Variants in PTPRA observed in about 807,000 individuals in gnomAD.
PTPRA encodes the protein receptor-type tyrosine-protein phosphatase alpha.
PTPRA carries 25 observed loss-of-function variants against 104.8 expected under a neutral mutation model. The ratio of observed to expected loss-of-function variants is 0.24; its 90% CI spans 0.17 to 0.33. The LOEUF is 0.33. Ranked by LOEUF, PTPRA falls within the 10% of genes least tolerant of loss-of-function variation. The pLI, the probability that PTPRA is intolerant of heterozygous loss-of-function variation, is 1.00. For missense variants in PTPRA, 765 were observed against 1,015.3 expected (o/e 0.75, Z 3.35); for synonymous variants, 323 against 368.9 (o/e 0.88, Z 1.43).
chr20:2,975,087 A>C (rs1461386801), intron 5 of PTPRA, 128 bp from the exon 6 acceptor site: 11 of 772,978 alleles, frequency 1.4e-5, no homozygotes, highest in Non-Finnish European at 2.0e-5. Flanking sequence ...CTTGTTTCCC[A>C]GTTGTTGGAG....
intron 1 of PTPRA, among the ~76,000 whole-genome samples, chr20:2,911,007 C>T (rs544295741): frequency 2.6e-5 from 4 of 151,148 alleles, no homozygotes; most frequent in South Asian, 2.1e-4. Context: ...GCTCCTGCCT[C>T]GGCTTCCCAA....
chr20:2,881,956 C>T (rs1286050152), intron 1 of PTPRA, among the ~76,000 whole-genome samples: 1 of 152,042 alleles, frequency 6.6e-6, no homozygotes, highest in African/African-American at 2.4e-5. Flanking sequence ...GCTGAGGTTG[C>T]GCCGCTGTAC....
intron 17 of PTPRA, 125 bp downstream of exon 17, chr20:3,024,746 A>G: frequency 1.3e-5 from 16 of 1,191,534 alleles, no homozygotes; most frequent in Non-Finnish European, 1.8e-5. Context: ...GGTTAAGGAG[A>G]TGGTCCTTTC....
At chr20:2,910,597 TTTGTTTTTTTTAA>T (rs2059682624) in intron 1 of PTPRA, among the ~76,000 whole-genome samples, 1 of 127,584 alleles carries the variant, frequency 7.8e-6, no homozygotes, top group African/African-American at 3.2e-5. Flanking sequence ...TTGTTTTTTT[TTTGTTTTTTTTAA>T]TTTTTTTTTT....
At position 3,005,160 on chromosome 20, in the gene PTPRA, G is replaced by GTGT; in HGVS notation, c.829+16_829+18dup. 6.4e-7 allele frequency: 1 copy of GTGT among 1,559,080 alleles called. No individual in the cohort carries two copies. Among genetic ancestry groups the GTGT allele is most frequent in the Non-Finnish European group, 8.8e-7 (1 of 1,130,158 alleles). Reference sequence around the variant, plus strand: ...ACATCTTGCCTTGTGAGTGTCTTTAGTGTTTCTTGGGATGTAACCTGAAAT... The same window carrying GTGT: ...ACATCTTGCCTTGTGAGTGTCTTTAGTGTTGTTTCTTGGGATGTAACCTGAAAT... On this transcript the variant is annotated intron_variant, in intron 10 of 23. Transcript: ENST00000399903.
chr20:2,997,091 A>G (rs1028384060), intron 9 of PTPRA, among the ~76,000 whole-genome samples: 4 of 152,146 alleles, frequency 2.6e-5, no homozygotes, highest in Admixed American at 6.5e-5. Flanking sequence ...ATTAAAATAA[A>G]TGTGTTCACA....
chr20:3,025,893 AG>A, intron 17 of PTPRA, among the ~76,000 whole-genome samples: 1 of 149,734 alleles, frequency 6.7e-6, no homozygotes, highest in Non-Finnish European at 1.5e-5. Context: ...AAAAGATATT[AG>A]GTTCTGATTC....
At chr20:2,949,872 G>T (rs1165037813) in intron 3 of PTPRA, among the ~76,000 whole-genome samples, 2 of 151,844 alleles carry the variant, frequency 1.3e-5, no homozygotes, top group Non-Finnish European at 2.9e-5. Context: ...TTTAATATGG[G>T]TGAATTATAT....
At chr20:2,893,915 C>T (rs2058894276) in intron 1 of PTPRA, among the ~76,000 whole-genome samples, 1 of 151,450 alleles carries the variant, frequency 6.6e-6, no homozygotes, top group African/African-American at 2.4e-5. Context: ...ATATTTATAC[C>T]AGATATTAAA....
chr20:2,978,636 A>G (rs2062543914), intron 6 of PTPRA, among the ~76,000 whole-genome samples: 2 of 152,054 alleles, frequency 1.3e-5, no homozygotes, highest in South Asian at 4.1e-4. Flanking sequence ...ACACCATTTT[A>G]GTGGTTTTCA....
At chr20:2,923,332 G>A (rs2060165677) in intron 2 of PTPRA, 47 bp downstream of exon 2, 1 of 1,234,078 alleles carries the variant, frequency 8.1e-7, no homozygotes, top group Non-Finnish European at 1.1e-6. Context: ...TGCCAGCCAA[G>A]TAGTGTCCTT....
intron 3 of PTPRA, among the ~76,000 whole-genome samples, chr20:2,959,630 C>T (rs1047454639): frequency 6.6e-6 from 1 of 151,972 alleles, no homozygotes; most frequent in Non-Finnish European, 1.5e-5. Context: ...TAGAGAGTTT[C>T]AGGTTCACAG....
intron 3 of PTPRA, among the ~76,000 whole-genome samples, chr20:2,959,526 A>T (rs2061669139): frequency 6.6e-6 from 1 of 152,100 alleles, no homozygotes; most frequent in Non-Finnish European, 1.5e-5. Flanking sequence ...TTCTTGTTTC[A>T]ATTATTTATG....
Position 3,000,055 on chromosome 20 carries a change from G to T in PTPRA, c.739-5001G>T, listed in dbSNP as rs182704706. ...AATCCCAGCACTTTGGGAGGCTGAG[G>T]TAGGCGGATCACAAGGTCAGGAGTT... On this transcript the variant is annotated intron_variant, in intron 9 of 23. Coordinates refer to ENST00000399903, the MANE Select transcript of PTPRA (RefSeq NM_001385305.1). Among the ~76,000 whole-genome samples the T allele has an allele frequency of 3.2e-3, 492 of 152,264 alleles. 3 individuals are homozygous for T. Among genetic ancestry groups the T allele is most frequent in the African/African-American group, 0.011 (471 of 41,546 alleles).
chr20:2,866,604 G>T, the PTPRA span: 56 of 1,611,662 alleles, frequency 3.5e-5, no homozygotes, highest in Non-Finnish European at 3.7e-5. Context: ...TCAAGCAAGG[G>T]GTTCCTCCCC....
chr20:2,894,287 A>C (rs754962903), intron 1 of PTPRA, among the ~76,000 whole-genome samples: 3 of 152,206 alleles, frequency 2.0e-5, no homozygotes, highest in Non-Finnish European at 4.4e-5. Flanking sequence ...GCAGGTTTTG[A>C]AAATGCCTCT....
chr20:3,025,353 T>A (rs2065079085), intron 17 of PTPRA, among the ~76,000 whole-genome samples: 1 of 149,978 alleles, frequency 6.7e-6, no homozygotes, highest in Non-Finnish European at 1.5e-5. Context: ...CTCAGGAGGC[T>A]GAGGCGAGAG....
At chr20:2,914,445 CTGTGTG>C (rs35272226) in intron 1 of PTPRA, among the ~76,000 whole-genome samples, 303 of 145,692 alleles carry the variant, frequency 2.1e-3, no homozygotes, top group African/African-American at 5.4e-3. Flanking sequence ...ATTTCTTGCT[CTGTGTG>C]TGTGTGTGTG....
At position 2,950,638 on chromosome 20, in the gene PTPRA, A is replaced by G. The variant is rs138953404; in HGVS notation, c.-7+2614A>G. ...AGCCTGGGCGACAGAGCGAGACTCC[A>G]TCTCAAAAAAAAAAAAAATTTACTT... On this transcript the variant is annotated intron_variant, in intron 3 of 23. Transcript: ENST00000399903. The surrounding 1 kb of genome is among the most constrained non-coding windows in gnomAD (Gnocchi z 4.0). Among the ~76,000 whole-genome samples the G allele has an allele frequency of 0.019, 2,891 of 151,558 alleles. 97 individuals carry two copies. The highest frequency in any genetic ancestry group is 0.064 in the African/African-American group (2,666 of 41,354).
Sources: gnomAD v4.1 joint callset for allele counts (sites outside exome capture counted in the v4.1 genomes callset) on GRCh38, gnomAD v4.1.1 for gene constraint, Gnocchi (gnomAD v3.1) non-coding constraint, MANE v1.5 for transcripts, NCBI Gene and HGNC (gene_info 2026-07-23, HGNC 2026-07-21) for gene names.